GRID2: variants seen among roughly 807,000 people sequenced by gnomAD.
GRID2 encodes the protein glutamate receptor ionotropic, delta-2.
In GRID2, 33 loss-of-function variants were observed where a neutral mutation model predicts 114.8. The observed-to-expected ratio is 0.29, with a 90% CI of 0.22 to 0.38. The LOEUF (loss-of-function observed/expected upper bound fraction) is 0.38. Ranked by LOEUF, GRID2 falls within the 10% of genes least tolerant of loss-of-function variation. GRID2 has a pLI of 1.00. For missense variants in GRID2, 1,184 were observed against 1,257.7 expected, an observed-to-expected ratio of 0.94 and a Z score of 0.89; for synonymous variants, 505 against 449.9, an observed-to-expected ratio of 1.12 and a Z score of -1.55.
chr4:93,133,265 T>C (rs1734964287), intron 4 of GRID2, among the ~76,000 whole-genome samples: 1 of 152,204 alleles, frequency 6.6e-6, no homozygotes, highest in Non-Finnish European at 1.5e-5. Flanking sequence ...GAGCTAGATG[T>C]GTTATTTGAT....
chr4:92,854,439 A>C (rs960937932), intron 2 of GRID2, among the ~76,000 whole-genome samples: 34 of 151,976 alleles, frequency 2.2e-4, no homozygotes, highest in Non-Finnish European at 4.4e-4. Context: ...TCTGTGCTTG[A>C]GGAACATAGA....
In GRID2 at chr4:92,652,657, AGTGGAACACT is replaced by A. The variant is rs369361394; in HGVS notation, c.244+62374_244+62383del. On this transcript the variant is annotated intron_variant, in intron 2 of 15. Transcript: ENST00000282020. ...TCATTCCCTCCAAACTGAGTGACAGAGTGGAACACTGTCTTAAAAATATGTAATTTTGGCC... is the reference window on the plus strand; with the variant it reads ...TCATTCCCTCCAAACTGAGTGACAGAGTCTTAAAAATATGTAATTTTGGCC... Among the ~76,000 whole-genome samples the A allele has an allele frequency of 1.5e-3, 196 of 133,872 alleles. 6 individuals are homozygous for A. Among genetic ancestry groups the A allele is most frequent in the African/African-American group, 4.8e-3 (181 of 37,552 alleles). 87.8% of individuals were successfully genotyped at this position (133,872 alleles called of 152,430 possible). A position where few individuals can be genotyped will look rare whatever the true frequency, so the allele number is the denominator to read the frequency against.
intron 2 of GRID2, among the ~76,000 whole-genome samples, chr4:92,668,208 T>G (rs1373452311): frequency 6.6e-6 from 1 of 151,818 alleles, no homozygotes; most frequent in African/African-American, 2.4e-5. Context: ...ATTCTGTCTC[T>G]TAAGAATGAG....
intron 8 of GRID2, among the ~76,000 whole-genome samples, chr4:93,264,888 T>C (rs1039172608): frequency 1.4e-4 from 21 of 151,560 alleles, no homozygotes; most frequent in Admixed American, 1.1e-3. Context: ...ATTCAAGTGA[T>C]ACTCTTGCCT....
chr4:92,465,162 G>A (rs1221073149), intron 1 of GRID2, among the ~76,000 whole-genome samples: 1 of 151,938 alleles, frequency 6.6e-6, no homozygotes, highest in African/African-American at 2.4e-5. Flanking sequence ...TTATAGCAGT[G>A]TGAGAATAGA....
intron 2 of GRID2, among the ~76,000 whole-genome samples, chr4:92,698,718 C>T (rs1391970532): frequency 6.6e-6 from 1 of 151,124 alleles, no homozygotes; most frequent in African/African-American, 2.4e-5. Flanking sequence ...AAAAATAAGA[C>T]AATTGCCTAT....
intron 4 of GRID2, among the ~76,000 whole-genome samples, chr4:93,127,330 T>C (rs1340355843): frequency 1.3e-5 from 2 of 152,160 alleles, no homozygotes; most frequent in African/African-American, 4.8e-5. Flanking sequence ...GAACATGCCA[T>C]CTGAGGGACA....
At chr4:92,763,330 A>C (rs1006005920) in intron 2 of GRID2, among the ~76,000 whole-genome samples, 3 of 152,174 alleles carry the variant, frequency 2.0e-5, no homozygotes, top group Non-Finnish European at 4.4e-5. Flanking sequence ...CAAGGGAAAA[A>C]TGCACATATA....
At chr4:93,708,353 A>G (rs1728187253) in intron 14 of GRID2, among the ~76,000 whole-genome samples, 1 of 151,810 alleles carries the variant, frequency 6.6e-6, no homozygotes. Flanking sequence ...CTCTAATAAT[A>G]TTTGCTTTAT....
chr4:93,538,730 A>T (rs1732356971), intron 13 of GRID2, among the ~76,000 whole-genome samples: 1 of 151,824 alleles, frequency 6.6e-6, no homozygotes, highest in Non-Finnish European at 1.5e-5. Flanking sequence ...AAATTAAGGG[A>T]CATACTCCAA....
chr4:92,709,233 A>G (rs935180671), intron 2 of GRID2, among the ~76,000 whole-genome samples: 6 of 152,178 alleles, frequency 3.9e-5, no homozygotes, highest in Non-Finnish European at 5.9e-5. Context: ...GTGTAAACCA[A>G]TACTTGACTC....
intron 8 of GRID2, among the ~76,000 whole-genome samples, chr4:93,313,395 C>T (rs756271853): frequency 2.0e-5 from 3 of 152,206 alleles, no homozygotes; most frequent in Non-Finnish European, 4.4e-5. Flanking sequence ...CAGAACAAAA[C>T]TTCCTGGAAT....
chr4:93,187,280 T>A (rs557670439), intron 4 of GRID2, among the ~76,000 whole-genome samples: 24 of 152,264 alleles, frequency 1.6e-4, no homozygotes, highest in Non-Finnish European at 3.1e-4. Flanking sequence ...AGTCTTTTTT[T>A]TTCTTTTCTT....
intron 11 of GRID2, among the ~76,000 whole-genome samples, chr4:93,461,028 T>A (rs1436281417): frequency 2.6e-5 from 4 of 152,160 alleles, no homozygotes; most frequent in African/African-American, 9.6e-5. Flanking sequence ...GGAAAAAAGA[T>A]AAATAGAATT....
intron 2 of GRID2, among the ~76,000 whole-genome samples, chr4:92,780,583 G>T (rs556197494): frequency 3.0e-4 from 45 of 152,150 alleles, no homozygotes; most frequent in African/African-American, 1.1e-3. Flanking sequence ...TTCTAATGAG[G>T]CAAGGATCCT....
At chr4:93,417,432 A>G (rs1257668839) in intron 9 of GRID2, among the ~76,000 whole-genome samples, 1 of 152,070 alleles carries the variant, frequency 6.6e-6, no homozygotes, top group Non-Finnish European at 1.5e-5. Context: ...GCAATATAAC[A>G]TGTATACAGA....
At chr4:92,583,734 C>T (rs901521259) in intron 1 of GRID2, among the ~76,000 whole-genome samples, 1 of 149,774 alleles carries the variant, frequency 6.7e-6, no homozygotes, top group African/African-American at 2.4e-5. Flanking sequence ...CAAATAAGCA[C>T]ATTTATTACA....
chr4:93,007,618 A>G (rs1473788973), intron 2 of GRID2, among the ~76,000 whole-genome samples: 1 of 152,168 alleles, frequency 6.6e-6, no homozygotes, highest in East Asian at 1.9e-4. Context: ...AATAAACTTG[A>G]CAAAGGAAGA....
chr4:92,550,852 A>G (rs1726549858), intron 1 of GRID2, among the ~76,000 whole-genome samples: 1 of 152,228 alleles, frequency 6.6e-6, no homozygotes, highest in African/African-American at 2.4e-5. Context: ...TCTGATTGAT[A>G]TAAAAAGTGT....
Sources: allele counts gnomAD v4.1 joint callset (sites outside exome capture counted in the v4.1 genomes callset), GRCh38; gene constraint gnomAD v4.1.1; transcripts MANE v1.5; gene names NCBI Gene and HGNC (gene_info 2026-07-23, HGNC 2026-07-21).